DYRK1A: variants seen among roughly 807,000 people sequenced by gnomAD.
DYRK1A encodes the protein dual specificity tyrosine phosphorylation regulated kinase 1A, also known as dual specificity tyrosine-phosphorylation-regulated kinase 1A.
Under a neutral mutation model 79.7 loss-of-function variants are expected in DYRK1A, and 9 were observed. The observed-to-expected ratio is 0.11, with a 90% CI of 0.07 to 0.20. DYRK1A has a LOEUF of 0.20. Ranked by LOEUF, DYRK1A falls within the 10% of genes least tolerant of loss-of-function variation. The pLI, the probability that DYRK1A is intolerant of heterozygous loss-of-function variation, is 1.00. For synonymous variants in DYRK1A, 349 were observed against 329.7 expected (o/e 1.06, Z -0.63); for missense variants, 622 against 956.0 (o/e 0.65, Z 4.61).
chr21:37,433,044 A>AAAATATATATATAT (rs372461775), intron 2 of DYRK1A, among the ~76,000 whole-genome samples: 35 of 140,518 alleles, frequency 2.5e-4, no homozygotes, highest in African/African-American at 7.8e-4. Context: ...AGGAATTCTA[A>AAAATATATATATAT]ATATATATAT....
intron 2 of DYRK1A, among the ~76,000 whole-genome samples, chr21:37,457,037 C>CTTACTTACTTACTTACTTATTTAT (rs1035437095): frequency 1.0e-4 from 6 of 59,250 alleles, no homozygotes; most frequent in South Asian, 1.1e-3. Context: ...TACTTACTTA[C>CTTACTTACTTACTTACTTATTTAT]TTATTTATTT....
chr21:37,400,708 C>T (rs1216201006), intron 1 of DYRK1A, among the ~76,000 whole-genome samples: 2 of 152,116 alleles, frequency 1.3e-5, no homozygotes, highest in Admixed American at 1.3e-4. Context: ...AAAAATGAGT[C>T]TGAGTTTAGG....
intron 3 of DYRK1A, among the ~76,000 whole-genome samples, chr21:37,474,321 A>G (rs975370062): frequency 6.6e-6 from 1 of 152,254 alleles, no homozygotes; most frequent in African/African-American, 2.4e-5. Context: ...TTTGGATCAT[A>G]TAAAATAAGA....
rs939276641 is a variant in DYRK1A at position 37,514,880 on chromosome 21, A to C, written c.*2349A>C. The C allele has an allele frequency of 6.6e-6, 1 of 152,668 alleles. No individual in the cohort carries two copies. Among genetic ancestry groups the C allele is most frequent in the African/African-American group, 2.4e-5 (1 of 41,472 alleles). The allele number at this position is 152,668 out of a possible 1,614,324, so 9.5% of individuals were successfully genotyped here. ...GGTTGCCACATCTTAGCAAGCACCA[A>C]AAAACTAAAGCAGTTTTTAAACCGA... is the stretch of plus-strand genomic sequence containing the variant. On this transcript the variant is annotated 3_prime_UTR_variant, in exon 12 of 12. Transcript: ENST00000647188.
chr21:37,439,253 T>C (rs1226072007), intron 2 of DYRK1A, among the ~76,000 whole-genome samples: 2 of 152,248 alleles, frequency 1.3e-5, no homozygotes. Flanking sequence ...TTTTCTGCTT[T>C]CCAGTTTGGT....
intron 3 of DYRK1A, among the ~76,000 whole-genome samples, chr21:37,473,318 G>A (rs2052290977): frequency 6.6e-6 from 1 of 152,090 alleles, no homozygotes; most frequent in African/African-American, 2.4e-5. Context: ...ATTCAAAAGA[G>A]ATGTATGCAA....
At chr21:37,372,804 A>G (rs534218169) in intron 1 of DYRK1A, among the ~76,000 whole-genome samples, 3 of 152,230 alleles carry the variant, frequency 2.0e-5, no homozygotes, top group South Asian at 2.1e-4. Flanking sequence ...CCTAGCATAA[A>G]TATTTTCTTC....
At chr21:37,405,809 A>G (rs1289801637) in intron 1 of DYRK1A, among the ~76,000 whole-genome samples, 4 of 152,336 alleles carry the variant, frequency 2.6e-5, no homozygotes, top group Non-Finnish European at 5.9e-5. Context: ...TGTGAAGTCC[A>G]CGAGGTAGAG....
intron 1 of DYRK1A, among the ~76,000 whole-genome samples, chr21:37,417,431 T>TGATAC (rs1449041388): frequency 2.6e-5 from 4 of 151,752 alleles, no homozygotes; most frequent in Non-Finnish European, 4.4e-5. Context: ...CAACCTCAGG[T>TGATAC]GATACGCCCA....
chr21:37,503,764 T>G (rs1211724679), intron 9 of DYRK1A: 2 of 152,224 alleles, frequency 1.3e-5, no homozygotes, highest in Non-Finnish European at 2.9e-5. Flanking sequence ...CTTCTGAAAT[T>G]CTACATCTAT....
intron 2 of DYRK1A, among the ~76,000 whole-genome samples, chr21:37,471,940 T>C (rs1295633165): frequency 6.6e-6 from 1 of 152,222 alleles, no homozygotes; most frequent in African/African-American, 2.4e-5. Flanking sequence ...CTTAAAGAAT[T>C]ACCTTTTATT....
intron 2 of DYRK1A, among the ~76,000 whole-genome samples, chr21:37,460,854 T>C (rs896882732): frequency 1.3e-5 from 2 of 152,196 alleles, no homozygotes; most frequent in Admixed American, 6.5e-5. Flanking sequence ...TTTATAACTT[T>C]AGGATATTAA....
At chr21:37,397,465 T>G (rs1282548275) in intron 1 of DYRK1A, among the ~76,000 whole-genome samples, 2 of 152,158 alleles carry the variant, frequency 1.3e-5, no homozygotes, top group South Asian at 2.1e-4. Flanking sequence ...AAAAGTCCAG[T>G]GAAGAGTAGT....
intron 2 of DYRK1A, among the ~76,000 whole-genome samples, chr21:37,457,857 G>C (rs915154814): frequency 6.6e-5 from 10 of 152,296 alleles, no homozygotes; most frequent in Middle Eastern, 3.4e-3. Flanking sequence ...CTTGACTGCT[G>C]TTGCTGTGCC....
intron 1 of DYRK1A, among the ~76,000 whole-genome samples, chr21:37,399,304 C>T (rs1602405854): frequency 6.6e-6 from 1 of 152,080 alleles, no homozygotes; most frequent in African/African-American, 2.4e-5. Context: ...CCTTTTTCAG[C>T]ACATTTGGTT....
At chr21:37,432,112 A>C (rs2050791949) in intron 2 of DYRK1A, among the ~76,000 whole-genome samples, 1 of 152,176 alleles carries the variant, frequency 6.6e-6, no homozygotes, top group Non-Finnish European at 1.5e-5. Flanking sequence ...TACCTAAATG[A>C]GGGAGCAAAA....
intron 2 of DYRK1A, among the ~76,000 whole-genome samples, chr21:37,465,001 G>A (rs1160464263): frequency 1.3e-5 from 2 of 152,184 alleles, no homozygotes; most frequent in Admixed American, 6.5e-5. Flanking sequence ...TTTTGGTGTT[G>A]CAGGAGGAAA....
At chr21:37,373,754 T>C (rs2049480881) in intron 1 of DYRK1A, among the ~76,000 whole-genome samples, 1 of 152,240 alleles carries the variant, frequency 6.6e-6, no homozygotes, top group Non-Finnish European at 1.5e-5. Flanking sequence ...CATGTGGCCA[T>C]GTTTAGATAC....
chr21:37,389,032 T>C lies in DYRK1A; in HGVS notation c.-77+21404T>C, dbSNP rs556651439. ...GAGTGCAGTGGCCAAAAAAAAGCTT[T>C]TAAATTAAAAAAAAAAATTTTTTTT... On this transcript the variant is annotated intron_variant, in intron 1 of 11. Transcript: ENST00000647188. Among the ~76,000 whole-genome samples the C allele has an allele frequency of 2.2e-4, 34 of 151,854 alleles. No individual in the cohort carries two copies. The Middle Eastern group carries it at 0.01, about 46-fold the overall frequency.
Sources: gnomAD v4.1 joint callset for allele counts (sites outside exome capture counted in the v4.1 genomes callset) on GRCh38, gnomAD v4.1.1 for gene constraint, MANE v1.5 for transcripts, NCBI Gene and HGNC (gene_info 2026-07-23, HGNC 2026-07-21) for gene names.